The following PTPRD variants were observed in gnomAD, a reference collection of about 807,000 sequenced individuals.
PTPRD encodes receptor-type tyrosine-protein phosphatase delta.
In PTPRD, 34 loss-of-function variants were observed where a neutral mutation model predicts 214.5. The observed-to-expected ratio is 0.16, with a 90% CI of 0.12 to 0.21. PTPRD has a LOEUF of 0.21. PTPRD is among the 10% of genes least tolerant of loss of function. The pLI, the probability that PTPRD is intolerant of heterozygous loss-of-function variation, is 1.00. For synonymous variants in PTPRD, 1,128 were observed against 845.7 expected (o/e 1.33, Z -5.79); for missense variants, 2,545 against 2,398.7 (o/e 1.06, Z -1.27).
chr9:9,700,249 A>C (rs78499819), intron 7 of PTPRD, among the ~76,000 whole-genome samples: 1 of 152,122 alleles, frequency 6.6e-6, no homozygotes, highest in Non-Finnish European at 1.5e-5. Context: ...TTTTATAATA[A>C]ATGAAATTTT....
chr9:10,074,601 T>C (rs2098099651), intron 3 of PTPRD, among the ~76,000 whole-genome samples: 1 of 152,162 alleles, frequency 6.6e-6, no homozygotes, highest in South Asian at 2.1e-4. Flanking sequence ...TCATGATGCT[T>C]TCTCTGATCC....
At chr9:10,195,767 G>A (rs368013801) in intron 3 of PTPRD, among the ~76,000 whole-genome samples, 1 of 152,152 alleles carries the variant, frequency 6.6e-6, no homozygotes, top group African/African-American at 2.4e-5. Context: ...GATGAAGCCT[G>A]AAATAATTTA....
At chr9:9,079,827 G>A (rs1221128598) in intron 10 of PTPRD, among the ~76,000 whole-genome samples, 1 of 152,028 alleles carries the variant, frequency 6.6e-6, no homozygotes, top group Non-Finnish European at 1.5e-5. Flanking sequence ...TTATGACAAA[G>A]GTAGATTAAG....
chr9:8,711,933 T>G (rs2098342432), intron 12 of PTPRD, among the ~76,000 whole-genome samples: 1 of 152,202 alleles, frequency 6.6e-6, no homozygotes, highest in Non-Finnish European at 1.5e-5. Context: ...TTCTGCTCAG[T>G]GAAAGAAGCC....
rs551483508 is a variant in PTPRD at position 8,617,399 on chromosome 9, A to G, written c.352+15918T>C. Among the ~76,000 whole-genome samples, 16 of 152,216 alleles carry G rather than the reference A, an allele frequency of 1.1e-4. No individual in the cohort carries two copies. In the South Asian group the frequency reaches 3.3e-3, roughly 32 times the overall value. ...GCTGTCTCATTTTGGAGAAATGCTT[A>G]TAACTCTTATCAAGTGGATGTGCAA... is the stretch of plus-strand genomic sequence containing the variant. On this transcript the variant is annotated intron_variant, in intron 14 of 45. Transcript: ENST00000381196.
chr9:8,373,962 G>T (rs150512618), intron 39 of PTPRD, among the ~76,000 whole-genome samples: 2 of 150,230 alleles, frequency 1.3e-5, no homozygotes, highest in East Asian at 2.0e-4. Flanking sequence ...TTTAATTTAC[G>T]GAAATGGGAA....
intron 3 of PTPRD, among the ~76,000 whole-genome samples, chr9:10,108,611 T>C (rs2098659202): frequency 6.6e-6 from 1 of 151,988 alleles, no homozygotes; most frequent in Admixed American, 6.6e-5. Context: ...ATCCTACTGC[T>C]GGGTATTTAT....
chr9:9,121,495 A>G (rs2098017501), intron 10 of PTPRD, among the ~76,000 whole-genome samples: 1 of 152,222 alleles, frequency 6.6e-6, no homozygotes, highest in Admixed American at 6.5e-5. Flanking sequence ...TCAGCCATAC[A>G]AAGGAATGAA....
At chr9:9,845,464 G>A (rs932428755) in intron 5 of PTPRD, among the ~76,000 whole-genome samples, 2 of 151,602 alleles carry the variant, frequency 1.3e-5, no homozygotes, top group Admixed American at 1.3e-4. Context: ...AATTATAGAA[G>A]CTCATGAGCA....
chr9:9,990,241 A>G (rs995416250), intron 4 of PTPRD, among the ~76,000 whole-genome samples: 2 of 152,172 alleles, frequency 1.3e-5, no homozygotes, highest in East Asian at 3.9e-4. Flanking sequence ...TTCCTATGGT[A>G]TCTTTCCTTT....
intron 8 of PTPRD, among the ~76,000 whole-genome samples, chr9:9,504,787 A>G (rs998080676): frequency 6.6e-6 from 1 of 151,754 alleles, no homozygotes; most frequent in Non-Finnish European, 1.5e-5. Context: ...TAAAACTAAT[A>G]AATGATTTCA....
chr9:9,469,455 C>G (rs2094443649), intron 8 of PTPRD, among the ~76,000 whole-genome samples: 1 of 152,128 alleles, frequency 6.6e-6, no homozygotes. Flanking sequence ...CAGAAAGCCT[C>G]TGTGGTTAAA....
chr9:9,601,550 G>A (rs2093771901), intron 7 of PTPRD, among the ~76,000 whole-genome samples: 1 of 152,028 alleles, frequency 6.6e-6, no homozygotes, highest in Non-Finnish European at 1.5e-5. Context: ...TTGGAAGAAT[G>A]GAGTTAGAGA....
intron 39 of PTPRD, among the ~76,000 whole-genome samples, chr9:8,371,713 C>G (rs577789894): frequency 2.2e-4 from 34 of 152,146 alleles, no homozygotes; most frequent in African/African-American, 7.9e-4. Flanking sequence ...ACAAAACTAT[C>G]TGAAGCCAGT....
intron 11 of PTPRD, among the ~76,000 whole-genome samples, chr9:8,882,656 G>A (rs2098455868): frequency 6.6e-6 from 1 of 152,082 alleles, no homozygotes; most frequent in Admixed American, 6.6e-5. Context: ...AGGCTGAGGT[G>A]GGTGGATCAT....
intron 9 of PTPRD, among the ~76,000 whole-genome samples, chr9:9,290,615 T>C (rs937426532): frequency 6.6e-6 from 1 of 151,536 alleles, no homozygotes; most frequent in Non-Finnish European, 1.5e-5. Flanking sequence ...GTGTATCCAG[T>C]ACCAGTCTTA....
intron 3 of PTPRD, among the ~76,000 whole-genome samples, chr9:10,061,916 T>C (rs989416036): frequency 1.3e-5 from 2 of 151,950 alleles, no homozygotes; most frequent in African/African-American, 4.8e-5. Flanking sequence ...TGCAGCAAAT[T>C]ATTAGGCCCC....
chr9:9,126,438 G>A (rs1489596019), intron 10 of PTPRD, among the ~76,000 whole-genome samples: 2 of 152,142 alleles, frequency 1.3e-5, no homozygotes, highest in African/African-American at 4.8e-5. Flanking sequence ...GACTTTAAGT[G>A]AAACGACATA....
chr9:10,060,477 A>C (rs1199935557), intron 3 of PTPRD, among the ~76,000 whole-genome samples: 1 of 151,974 alleles, frequency 6.6e-6, no homozygotes, highest in Non-Finnish European at 1.5e-5. Context: ...AATTACGAAA[A>C]CCCTACAAAT....
Sources: allele counts gnomAD v4.1 joint callset (sites outside exome capture counted in the v4.1 genomes callset), GRCh38; gene constraint gnomAD v4.1.1; transcripts MANE v1.5; gene names NCBI Gene and HGNC (gene_info 2026-07-23, HGNC 2026-07-21).